Variants in TCF7L1 observed in about 807,000 individuals in gnomAD.
The protein encoded by TCF7L1 is transcription factor 7-like 1.
Under a neutral mutation model 63.7 loss-of-function variants are expected in TCF7L1, and 18 were observed. The ratio of observed to expected loss-of-function variants is 0.28; its 90% confidence interval spans 0.20 to 0.42. The LOEUF is 0.42. Among genes scored for constraint, TCF7L1 ranks in the 10% least tolerant of loss-of-function variants. The pLI is 1.00. For synonymous variants in TCF7L1, 355 were observed against 340.9 expected (o/e 1.04, Z -0.46); for missense variants, 654 against 779.3 (o/e 0.84, Z 1.91).
At chr2:85,239,665 G>A (rs1056982166) in intron 3 of TCF7L1, among the ~76,000 whole-genome samples, 9 of 152,094 alleles carry the variant, frequency 5.9e-5, no homozygotes, top group Admixed American at 2.6e-4. Flanking sequence ...AATGAAGATC[G>A]GGCGCAGTGG....
intron 3 of TCF7L1, among the ~76,000 whole-genome samples, chr2:85,162,722 C>T (rs1020690382): frequency 4.6e-5 from 7 of 152,194 alleles, no homozygotes; most frequent in East Asian, 3.9e-4. Context: ...TGGTACGCCC[C>T]GTTTTGTGTA....
chr2:85,260,079 C>T (rs1159160222), intron 3 of TCF7L1, among the ~76,000 whole-genome samples: 2 of 152,142 alleles, frequency 1.3e-5, no homozygotes, highest in African/African-American at 2.4e-5. Flanking sequence ...AATTGCAGCA[C>T]CTGGAACTAA....
chr2:85,268,472 T>C (rs866075050), intron 3 of TCF7L1, among the ~76,000 whole-genome samples: 1,229 of 53,722 alleles, frequency 0.023, 14 homozygotes, highest in African/African-American at 0.049. Context: ...ATTGGATGCC[T>C]TTTTTTTTTT....
chr2:85,160,700 CA>C (rs1415495291), intron 3 of TCF7L1, among the ~76,000 whole-genome samples: 1 of 151,470 alleles, frequency 6.6e-6, no homozygotes, highest in Admixed American at 6.6e-5. Context: ...ACAAAAAATA[CA>C]AAAATTAGCC....
intron 3 of TCF7L1, among the ~76,000 whole-genome samples, chr2:85,262,959 C>T (rs1680890076): frequency 6.6e-6 from 1 of 152,198 alleles, no homozygotes; most frequent in African/African-American, 2.4e-5. Flanking sequence ...GAAAGAAGGG[C>T]CTCAGAGAGA....
At chr2:85,144,417 CAAAAAAA>C (rs55964315) in intron 3 of TCF7L1, among the ~76,000 whole-genome samples, 3 of 95,048 alleles carry the variant, frequency 3.2e-5, no homozygotes, top group Non-Finnish European at 6.4e-5. Flanking sequence ...CCTGTCTCTA[CAAAAAAA>C]AAAAAAAAAA....
intron 3 of TCF7L1, among the ~76,000 whole-genome samples, chr2:85,190,277 C>T (rs1448143199): frequency 6.6e-6 from 1 of 152,126 alleles, no homozygotes; most frequent in Non-Finnish European, 1.5e-5. Context: ...AAAGACTGGG[C>T]TCACCTCTTA....
intron 3 of TCF7L1, among the ~76,000 whole-genome samples, chr2:85,191,073 A>G (rs187843752): frequency 2.0e-5 from 3 of 149,306 alleles, no homozygotes; most frequent in Admixed American, 6.7e-5. Context: ...AAATACCTCT[A>G]CTAGTCTTTA....
intron 3 of TCF7L1, among the ~76,000 whole-genome samples, chr2:85,257,191 G>A (rs571359903): frequency 6.6e-6 from 1 of 152,138 alleles, no homozygotes; most frequent in East Asian, 1.9e-4. Context: ...CCCAGCCTGG[G>A]CAACAGAACA....
chr2:85,167,445 A>G (rs551050503), intron 3 of TCF7L1: 1 of 152,310 alleles, frequency 6.6e-6, no homozygotes, highest in Non-Finnish European at 1.5e-5. Flanking sequence ...GACGATCTGT[A>G]CCCCCACATT....
intron 4 of TCF7L1, among the ~76,000 whole-genome samples, chr2:85,285,022 A>G (rs1250008194): frequency 1.3e-5 from 2 of 152,124 alleles, no homozygotes; most frequent in African/African-American, 4.8e-5. Context: ...TCACGAGGTC[A>G]GGAGATCGAT....
intron 3 of TCF7L1, among the ~76,000 whole-genome samples, chr2:85,243,497 C>T (rs952650440): frequency 8.8e-5 from 13 of 148,188 alleles, no homozygotes; most frequent in South Asian, 2.1e-4. Flanking sequence ...AGCGACTCCA[C>T]GTGGGGAAGT....
At chr2:85,206,866 C>G (rs185617477) in intron 3 of TCF7L1, among the ~76,000 whole-genome samples, 11 of 152,300 alleles carry the variant, frequency 7.2e-5, no homozygotes, top group African/African-American at 2.6e-4. Flanking sequence ...AAAAGATAAT[C>G]CAATCTTTTA....
intron 3 of TCF7L1, among the ~76,000 whole-genome samples, chr2:85,220,245 C>G (rs1679810961): frequency 6.6e-6 from 1 of 151,822 alleles, no homozygotes; most frequent in Non-Finnish European, 1.5e-5. Context: ...ATCAATAACA[C>G]TTTATTTCTT....
At chr2:85,244,273 G>C (rs1331221247) in intron 3 of TCF7L1, among the ~76,000 whole-genome samples, 1 of 152,176 alleles carries the variant, frequency 6.6e-6, no homozygotes, top group Admixed American at 6.5e-5. Flanking sequence ...CTGAGATGGG[G>C]AGTAGAGAGG....
chr2:85,285,110 G>A (rs1267627726), intron 4 of TCF7L1, among the ~76,000 whole-genome samples: 2 of 152,176 alleles, frequency 1.3e-5, no homozygotes, highest in East Asian at 3.9e-4. Context: ...GCGGGCGCCT[G>A]TAGTCCCAGC....
At chr2:85,220,087 C>T (rs1223099602) in intron 3 of TCF7L1, among the ~76,000 whole-genome samples, 2 of 152,060 alleles carry the variant, frequency 1.3e-5, no homozygotes, top group Non-Finnish European at 2.9e-5. Context: ...ATTGAAGACA[C>T]TCATTGAACC....
intron 3 of TCF7L1, among the ~76,000 whole-genome samples, chr2:85,278,874 G>C (rs1044564940): frequency 6.6e-6 from 1 of 152,200 alleles, no homozygotes; most frequent in Non-Finnish European, 1.5e-5. Context: ...GCATCCAAAA[G>C]CGGGTATTTA....
At chr2:85,285,941 C>T (rs950004082) in intron 4 of TCF7L1, among the ~76,000 whole-genome samples, 1 of 152,194 alleles carries the variant, frequency 6.6e-6, no homozygotes, top group African/African-American at 2.4e-5. Context: ...CCTGTAATCC[C>T]AGCACTTTGG....
Sources: gnomAD v4.1 joint callset for allele counts (sites outside exome capture counted in the v4.1 genomes callset) on GRCh38, gnomAD v4.1.1 for gene constraint, MANE v1.5 for transcripts, NCBI Gene and HGNC (gene_info 2026-07-23, HGNC 2026-07-21) for gene names.